The following NRXN1 variants were observed in gnomAD, a reference collection of about 807,000 sequenced individuals.
NRXN1 encodes neurexin-1.
NRXN1 carries 39 observed loss-of-function variants against 150.9 expected under a neutral mutation model. The ratio of observed to expected loss-of-function variants is 0.26; its 90% CI spans 0.20 to 0.34. NRXN1 has a LOEUF of 0.34. NRXN1 is among the 10% of genes least tolerant of loss of function. The pLI is 1.00. For synonymous variants in NRXN1, 924 were observed against 757.0 expected, an observed-to-expected ratio of 1.22 and a Z score of -3.62; for missense variants, 1,815 against 1,949.9, an observed-to-expected ratio of 0.93 and a Z score of 1.30.
intron 17 of NRXN1, among the ~76,000 whole-genome samples, chr2:50,244,441 A>G (rs1351283919): frequency 6.6e-6 from 1 of 151,922 alleles, no homozygotes; most frequent in African/African-American, 2.4e-5. Flanking sequence ...AATGATTGAT[A>G]GAGATTGTGC....
chr2:50,650,906 T>C (rs758510555), intron 5 of NRXN1, among the ~76,000 whole-genome samples: 5 of 152,036 alleles, frequency 3.3e-5, no homozygotes, highest in Non-Finnish European at 5.9e-5. Context: ...AAATAAATAA[T>C]AGACAACTCA....
chr2:50,629,481 T>G (rs947076238), intron 5 of NRXN1, among the ~76,000 whole-genome samples: 3 of 151,736 alleles, frequency 2.0e-5, no homozygotes, highest in Admixed American at 1.3e-4. Flanking sequence ...GGAGAGGGGA[T>G]AGTAGTGAGG....
chr2:50,789,453 A>G (rs1705628333), intron 5 of NRXN1, among the ~76,000 whole-genome samples: 1 of 152,212 alleles, frequency 6.6e-6, no homozygotes, highest in Non-Finnish European at 1.5e-5. Flanking sequence ...TCTTTTGACA[A>G]TGAAATTAAA....
intron 19 of NRXN1, among the ~76,000 whole-genome samples, chr2:50,072,248 A>C (rs1696394915): frequency 6.6e-6 from 1 of 152,122 alleles, no homozygotes; most frequent in African/African-American, 2.4e-5. Flanking sequence ...ACTATTAAAA[A>C]TTTACTGTCA....
At chr2:50,677,241 TC>T (rs10708971) in intron 5 of NRXN1, among the ~76,000 whole-genome samples, 17,132 of 152,220 alleles carry the variant, frequency 0.11, 1,361 homozygotes, top group East Asian at 0.3. Context: ...TTGTTCTAGC[TC>T]TGTGAAGAGT....
At chr2:50,695,497 A>G (rs546456148) in intron 5 of NRXN1, among the ~76,000 whole-genome samples, 1 of 152,304 alleles carries the variant, frequency 6.6e-6, no homozygotes, top group East Asian at 1.9e-4. Context: ...ACATCTTGCT[A>G]GGGACAGAGA....
At chr2:50,752,714 A>C (rs1407842268) in intron 5 of NRXN1, among the ~76,000 whole-genome samples, 1 of 151,864 alleles carries the variant, frequency 6.6e-6, no homozygotes. Context: ...GTGAAAAAAA[A>C]AAAAATGTCA....
intron 17 of NRXN1, among the ~76,000 whole-genome samples, chr2:50,371,109 T>C (rs550836953): frequency 6.6e-6 from 1 of 152,166 alleles, no homozygotes; most frequent in Non-Finnish European, 1.5e-5. Context: ...CAATGATCTT[T>C]GTCGATTGAG....
At chr2:50,058,386 A>G (rs1306854864) in intron 19 of NRXN1, among the ~76,000 whole-genome samples, 3 of 152,226 alleles carry the variant, frequency 2.0e-5, no homozygotes, top group African/African-American at 7.2e-5. Context: ...TCAGATGCCT[A>G]CTAATTCAGT....
rs1699616101 is a variant in NRXN1, at chr2:50,998,511, C to A, written c.772+28991G>T. Among the ~76,000 whole-genome samples, 4 of 152,152 alleles carry A rather than the reference C, an allele frequency of 2.6e-5. No individual in the cohort carries two copies. The South Asian group carries it at 8.3e-4, about 32-fold the overall frequency. ...TTCAAAGAACGGATCACACTCACCCCTTATCCTATTTGATTCTATTAGGTC... is the reference window on the plus strand; with the variant it reads ...TTCAAAGAACGGATCACACTCACCCATTATCCTATTTGATTCTATTAGGTC... On this transcript the variant is annotated intron_variant, in intron 2 of 22. Coordinates refer to ENST00000401669, the MANE Select transcript of NRXN1 (RefSeq NM_001330078.2).
At chr2:50,351,953 A>G (rs758172746) in intron 17 of NRXN1, among the ~76,000 whole-genome samples, 142 of 152,132 alleles carry the variant, frequency 9.3e-4, no homozygotes, top group Non-Finnish European at 1.7e-3. Flanking sequence ...AAATGTCTAG[A>G]TCTGTAGCAG....
chr2:50,318,142 A>G (rs1409477748), intron 17 of NRXN1, among the ~76,000 whole-genome samples: 1 of 152,092 alleles, frequency 6.6e-6, no homozygotes, highest in African/African-American at 2.4e-5. Flanking sequence ...ATAGGAAAAA[A>G]ATGGACTAAA....
intron 17 of NRXN1, among the ~76,000 whole-genome samples, chr2:50,250,809 G>A (rs553770889): frequency 6.6e-6 from 1 of 151,550 alleles, no homozygotes; most frequent in Admixed American, 6.6e-5. Flanking sequence ...TTAAATTTAA[G>A]TACCGGGATA....
At chr2:50,156,385 T>C (rs2059023216) in intron 18 of NRXN1, among the ~76,000 whole-genome samples, 1 of 151,922 alleles carries the variant, frequency 6.6e-6, no homozygotes, top group Non-Finnish European at 1.5e-5. Context: ...GGTTAGGTTT[T>C]ACCATTTAGT....
At chr2:50,761,505 C>A (rs1214923687) in intron 5 of NRXN1, among the ~76,000 whole-genome samples, 6 of 151,888 alleles carry the variant, frequency 4.0e-5, no homozygotes, top group Non-Finnish European at 8.8e-5. Context: ...GTGAGGCCTC[C>A]CAGCCATGTG....
At position 49,993,148 on chromosome 2, in the gene NRXN1, G is replaced by C. The variant is rs563086709; in HGVS notation, c.4129-49357C>G. Reference sequence around the variant, plus strand: ...GCTTTATTTATAATTGCCAAAACTTGGAACCAACCAAGGTATTCTTCGGTA... The same window carrying C: ...GCTTTATTTATAATTGCCAAAACTTCGAACCAACCAAGGTATTCTTCGGTA... On this transcript the variant is annotated intron_variant, in intron 21 of 22. Transcript: ENST00000401669. Among the ~76,000 whole-genome samples, 3 of 152,176 alleles carry C rather than the reference G, an allele frequency of 2.0e-5. No individual in the cohort carries two copies. The South Asian group carries it at 6.2e-4, about 32-fold the overall frequency.
At chr2:50,546,422 G>A (rs868753453) in intron 9 of NRXN1, among the ~76,000 whole-genome samples, 3 of 152,124 alleles carry the variant, frequency 2.0e-5, no homozygotes, top group Non-Finnish European at 4.4e-5. Flanking sequence ...CTTCTGAAAA[G>A]CTCTGCTCTG....
rs562290246 is a variant in NRXN1, at chr2:50,675,453, G to A, written c.833-51838C>T. On this transcript the variant is annotated intron_variant, in intron 5 of 22. Coordinates refer to ENST00000401669, the MANE Select transcript of NRXN1 (RefSeq NM_001330078.2). ...CTTGGAAAGCATAGTTTAAATTCAT[G>A]CTGTATCAGGAAATCAACTAGACTT... Among the ~76,000 whole-genome samples the A allele has an allele frequency of 3.9e-5, 6 of 152,242 alleles. No individual in the cohort carries two copies. In the South Asian group the frequency reaches 8.3e-4, roughly 21 times the overall value.
chr2:49,949,022 C>T lies in NRXN1; in HGVS notation c.4129-5231G>A, dbSNP rs1673457410. Among the ~76,000 whole-genome samples, 2 of 151,938 alleles carry T rather than the reference C, an allele frequency of 1.3e-5. 1 individual carries two copies. Among genetic ancestry groups the T allele is most frequent in the African/African-American group, 4.8e-5 (2 of 41,406 alleles). On this transcript the variant is annotated intron_variant, in intron 21 of 22. Transcript: ENST00000401669. The stretch of plus-strand genomic sequence containing the variant: ...TGAAAATGTGCACTAAAATCTAAGT[C>T]TCTATACTTTTAGGAAGAAAATGAT...
Sources: gnomAD v4.1 joint callset for allele counts (sites outside exome capture counted in the v4.1 genomes callset) on GRCh38, gnomAD v4.1.1 for gene constraint, MANE v1.5 for transcripts, NCBI Gene and HGNC (gene_info 2026-07-23, HGNC 2026-07-21) for gene names.